FGF5: variants seen among roughly 807,000 people sequenced by gnomAD.
FGF5 encodes fibroblast growth factor 5, also known as heparin-binding growth factor 5.
Under a neutral mutation model 21.8 loss-of-function variants are expected in FGF5, and 23 were observed. The ratio of observed to expected loss-of-function variants is 1.05; its 90% CI spans 0.76 to 1.49. The LOEUF is 1.49. Among genes scored for constraint, FGF5 ranks in the 40% most tolerant of loss-of-function variants. FGF5 has a pLI of 0.00. For missense variants in FGF5, 352 were observed against 332.9 expected, an observed-to-expected ratio of 1.06 and a Z score of -0.45; for synonymous variants, 158 against 124.0, an observed-to-expected ratio of 1.27 and a Z score of -1.82.
In FGF5 at chr4:80,286,844, A is replaced by G; in HGVS notation, c.*172A>G. ...AACAAAATGTTTTTTGATAGGAAGGAAACTGGAATTCTTTGTACTAATACA... is the reference window on the plus strand; with the variant it reads ...AACAAAATGTTTTTTGATAGGAAGGGAACTGGAATTCTTTGTACTAATACA... On this transcript the variant is annotated 3_prime_UTR_variant, in exon 3 of 3. Transcript: ENST00000312465. 1 of 594,704 alleles carries G rather than the reference A, an allele frequency of 1.7e-6. No individual in the cohort carries two copies. The highest frequency in any genetic ancestry group is 2.3e-5 in the South Asian group (1 of 44,402). The allele number at this position is 594,704 out of a possible 1,614,324, so 36.8% of individuals were successfully genotyped here. A position where few individuals can be genotyped will look rare whatever the true frequency, so the allele number is the denominator to read the frequency against.
Position 80,286,256 on chromosome 4 carries a change from A to G in FGF5, c.460-69A>G, listed in dbSNP as rs150008026. ...AAATTATTGTTTTTTTTTCTACAAT[A>G]CCTTATGTTTTATTACATGCTGAAA... is the stretch of plus-strand genomic sequence containing the variant. On this transcript the variant is annotated intron_variant, in intron 2 of 2. Coordinates refer to ENST00000312465, the MANE Select transcript of FGF5 (RefSeq NM_004464.4). The G allele has an allele frequency of 3.3e-3, 3,509 of 1,054,858 alleles. 12 individuals are homozygous for G. Among genetic ancestry groups the G allele is most frequent in the Middle Eastern group, 4.8e-3 (22 of 4,544 alleles). The allele number at this position is 1,054,858 out of a possible 1,614,324, so 65.3% of individuals were successfully genotyped here. A position where few individuals can be genotyped will look rare whatever the true frequency, so the allele number is the denominator to read the frequency against.
chr4:80,282,210 C>A (rs1578297078), intron 2 of FGF5, among the ~76,000 whole-genome samples: 1 of 152,178 alleles, frequency 6.6e-6, no homozygotes, highest in Non-Finnish European at 1.5e-5. Context: ...GATCCACCCG[C>A]CTTGGCCTCC....
intron 2 of FGF5, among the ~76,000 whole-genome samples, chr4:80,285,160 T>G (rs1267464888): frequency 6.6e-6 from 1 of 152,034 alleles, no homozygotes. Context: ...GGTTTTTGAT[T>G]GCATGTCTGA....
chr4:80,286,751 T>A lies in FGF5; in HGVS notation c.*79T>A. 9.5e-7 allele frequency: 1 copy of A among 1,054,252 alleles called. No individual in the cohort carries two copies. Among genetic ancestry groups the A allele is most frequent in the South Asian group, 1.5e-5 (1 of 66,358 alleles). 65.3% of individuals were successfully genotyped at this position (1,054,252 alleles called of 1,614,324 possible). ...GTGTCTTCAGAGTTCTGAAGAAAAA[T>A]TACTGGACACAGCTTCAGCTATACT... On this transcript the variant is annotated 3_prime_UTR_variant, in exon 3 of 3. Transcript: ENST00000312465.
In FGF5 at chr4:80,287,743, A is replaced by G. The variant is rs1720777657; in HGVS notation, c.*1071A>G. On this transcript the variant is annotated 3_prime_UTR_variant, in exon 3 of 3. Coordinates refer to ENST00000312465, the MANE Select transcript of FGF5 (RefSeq NM_004464.4). ...AATGATAGAGAACTGAAGGAGATCAATGGTTTAACAGTTATCCATGCCAAG... is the reference window on the plus strand; with the variant it reads ...AATGATAGAGAACTGAAGGAGATCAGTGGTTTAACAGTTATCCATGCCAAG... 1 of 152,180 alleles carries G rather than the reference A, an allele frequency of 6.6e-6. No individual in the cohort carries two copies. Among genetic ancestry groups the G allele is most frequent in the African/African-American group, 2.4e-5 (1 of 41,452 alleles). The allele number at this position is 152,180 out of a possible 1,614,324, so 9.4% of individuals were successfully genotyped here.
At chr4:80,282,857 A>T (rs896654881) in intron 2 of FGF5, among the ~76,000 whole-genome samples, 37 of 152,092 alleles carry the variant, frequency 2.4e-4, no homozygotes, top group Admixed American at 2.6e-4. Context: ...CTTATAATTT[A>T]AAAAAAAGAT....
chr4:80,281,205 TA>T (rs1223698950), intron 2 of FGF5, among the ~76,000 whole-genome samples: 3 of 152,044 alleles, frequency 2.0e-5, no homozygotes, highest in Admixed American at 6.6e-5. Context: ...TGCTATCCTG[TA>T]CCAGGGCACA....
At chr4:80,281,297 T>A (rs1004802342) in intron 2 of FGF5, among the ~76,000 whole-genome samples, 11 of 152,072 alleles carry the variant, frequency 7.2e-5, no homozygotes, top group African/African-American at 2.7e-4. Flanking sequence ...ACCAAGCAGG[T>A]CTAAAAGGAG....
intron 1 of FGF5, among the ~76,000 whole-genome samples, chr4:80,270,365 CT>C (rs567528190): frequency 3.5e-3 from 499 of 143,884 alleles, no homozygotes; most frequent in Middle Eastern, 0.011. Flanking sequence ...TGACAGTAAA[CT>C]TTTTTTTTTT....
intron 2 of FGF5, among the ~76,000 whole-genome samples, chr4:80,280,094 A>G (rs568394326): frequency 6.6e-6 from 1 of 152,356 alleles, no homozygotes; most frequent in African/African-American, 2.4e-5. Flanking sequence ...TATCATCCTC[A>G]TCAAAAAATA....
rs546656547 is a variant in FGF5 at position 80,290,784 on chromosome 4, T to C, written c.*4112T>C. On this transcript the variant is annotated 3_prime_UTR_variant, in exon 3 of 3. Transcript: ENST00000312465. ...ATTCCCACCTATGAGTGAGAATATG[T>C]GGTGTTTGGTTTTTGGTCCTTGCAA... 4 of 152,124 alleles carry C rather than the reference T, an allele frequency of 2.6e-5. No homozygotes were observed. Among genetic ancestry groups the C allele is most frequent in the South Asian group, 2.1e-4 (1 of 4,814 alleles). The allele number at this position is 152,124 out of a possible 1,614,324, so 9.4% of individuals were successfully genotyped here. A position where few individuals can be genotyped will look rare whatever the true frequency, so the allele number is the denominator to read the frequency against.
In FGF5 at chr4:80,266,876, G is replaced by A; in HGVS notation, c.52G>A (p.Ala18Thr). The A allele has an allele frequency of 6.2e-7, 1 of 1,612,072 alleles. No individual in the cohort carries two copies. The highest frequency in any genetic ancestry group is 8.5e-7 in the Non-Finnish European group (1 of 1,179,156). The change falls in exon 1 of 3, where the codon GCC (alanine) becomes ACC (threonine). Residue 18 changes from alanine (A) to threonine (T), a missense_variant. Physicochemically the swap from Ala to Thr is moderately conservative, Grantham distance 58. Transcript: ENST00000312465. ...CTTCTTCAGCCACCTGATCCTCAGC[G>A]CCTGGGCTCACGGGGAGAAGCGTCT... Reference protein sequence around the residue: ...LLFFSHLILSAWAHGEKRLAP... With the variant: ...LLFFSHLILSTWAHGEKRLAP...
At chr4:80,267,260 A>G in intron 1 of FGF5, 81 bp downstream of exon 1, 1 of 1,163,970 alleles carries the variant, frequency 8.6e-7, no homozygotes, top group African/African-American at 1.5e-5. Flanking sequence ...TCGCCGGGAC[A>G]CAGGCTCACC....
At chr4:80,281,103 T>C (rs1247336287) in intron 2 of FGF5, among the ~76,000 whole-genome samples, 1 of 152,050 alleles carries the variant, frequency 6.6e-6, no homozygotes, top group Admixed American at 6.6e-5. Flanking sequence ...AAGCAGGAGA[T>C]ATGGCCGTGC....
In FGF5 at chr4:80,274,855, C is replaced by T. The variant is rs1578293266; in HGVS notation, c.356-54C>T. ...GAATCTATGTAGAAATTTAATTCTT[C>T]ACAATGATATAAATAAGAGCCTGTG... On this transcript the variant is annotated intron_variant, in intron 1 of 2. Coordinates refer to ENST00000312465, the MANE Select transcript of FGF5 (RefSeq NM_004464.4). 7.8e-6 allele frequency: 6 copies of T among 766,240 alleles called. No individual in the cohort carries two copies. The East Asian group carries it at 1.3e-4, about 17-fold the overall frequency. The allele number at this position is 766,240 out of a possible 1,614,324, so 47.5% of individuals were successfully genotyped here.
At chr4:80,283,225 G>A (rs1230521621) in intron 2 of FGF5, among the ~76,000 whole-genome samples, 1 of 152,144 alleles carries the variant, frequency 6.6e-6, no homozygotes, top group East Asian at 1.9e-4. Flanking sequence ...GTAGAATGTA[G>A]GATTTGGATG....
chr4:80,290,940 G>C lies in FGF5; in HGVS notation c.*4268G>C, dbSNP rs1227421220. On this transcript the variant is annotated 3_prime_UTR_variant, in exon 3 of 3. Transcript: ENST00000312465. Reference sequence around the variant, plus strand: ...CATTTTCTTAATCCAGTCTATCATTGTTGGACATTTGGGTTGGTTCCAAGT... The same window carrying C: ...CATTTTCTTAATCCAGTCTATCATTCTTGGACATTTGGGTTGGTTCCAAGT... 6.6e-6 allele frequency: 1 copy of C among 152,132 alleles called. No homozygotes were observed. The highest frequency in any genetic ancestry group is 6.5e-5 in the Admixed American group (1 of 15,276). 9.4% of individuals were successfully genotyped at this position (152,132 alleles called of 1,614,324 possible).
At chr4:80,267,571 A>G (rs919166124) in intron 1 of FGF5, among the ~76,000 whole-genome samples, 16 of 152,206 alleles carry the variant, frequency 1.1e-4, no homozygotes, top group Admixed American at 2.6e-4. Flanking sequence ...TAGGCATCAA[A>G]GGCAGCCCTT....
At chr4:80,274,803 T>G in intron 1 of FGF5, 106 bp from the exon 2 acceptor site, 1 of 616,220 alleles carries the variant, frequency 1.6e-6, no homozygotes, top group Non-Finnish European at 2.9e-6. Context: ...AGTTCTTTTT[T>G]AAAATCACAA....
Sources: gnomAD v4.1 joint callset for allele counts (sites outside exome capture counted in the v4.1 genomes callset) on GRCh38, gnomAD v4.1.1 for gene constraint, MANE v1.5 for transcripts, NCBI Gene and HGNC (gene_info 2026-07-23, HGNC 2026-07-21) for gene names.